Variants in NBPF26 observed in about 807,000 individuals in gnomAD.
The protein encoded by NBPF26 is NBPF member 26.
A neutral mutation model predicts 119.6 loss-of-function variants in NBPF26; 79 were observed. The ratio of observed to expected loss-of-function variants is 0.66; its 90% CI spans 0.55 to 0.80. The LOEUF (loss-of-function observed/expected upper bound fraction) is 0.80. NBPF26 is among the 30% of genes least tolerant of loss of function. NBPF26 has a pLI of 0.00. For synonymous variants in NBPF26, 299 were observed against 457.7 expected, an observed-to-expected ratio of 0.65 and a Z score of 4.43; for missense variants, 800 against 1,198.2, an observed-to-expected ratio of 0.67 and a Z score of 4.91.
Position 120,756,614 on chromosome 1 carries a change from A to G in NBPF26, c.74-7014A>G, listed in dbSNP as rs1282055202. 1.7e-5 allele frequency among the ~76,000 whole-genome samples: 2 copies of G among 118,152 alleles called. 1 individual carries two copies. Among genetic ancestry groups the G allele is most frequent in the Non-Finnish European group, 3.3e-5 (2 of 61,456 alleles). 77.5% of individuals were successfully genotyped at this position (118,152 alleles called of 152,430 possible). A position where few individuals can be genotyped will look rare whatever the true frequency, so the allele number is the denominator to read the frequency against. On this transcript the variant is annotated intron_variant, in intron 1 of 29. Transcript: ENST00000620612. ...TACATGTTAATGCAACAAGTAAAAC[A>G]CATTGAAGGCTTCTCAGATTACACT...
chr1:120,752,553 TA>T (rs1184914915), intron 1 of NBPF26, among the ~76,000 whole-genome samples: 358 of 11,808 alleles, frequency 0.03, 5 homozygotes, highest in African/African-American at 0.051. Flanking sequence ...TATATATATA[TA>T]TTTTTTTTTT....
chr1:120,820,530 G>GA (rs1360181804), intron 15 of NBPF26, among the ~76,000 whole-genome samples: 8 of 7,318 alleles, frequency 1.1e-3, no homozygotes, highest in South Asian at 3.4e-3. Context: ...TATACATATG[G>GA]AAAAAAAAAA....
chr1:120,724,032 G>A lies in NBPF26; in HGVS notation c.-146G>A, dbSNP rs1383484062. On this transcript the variant is annotated 5_prime_UTR_variant, in exon 1 of 30. Coordinates refer to ENST00000620612, the Ensembl canonical transcript of NBPF26. Reference sequence around the variant, plus strand: ...GTCGAGGCATTTGCACCTGGGCTTCGGAGCGTAGCGCCAGGGCCTGAGCCT... The same window carrying A: ...GTCGAGGCATTTGCACCTGGGCTTCAGAGCGTAGCGCCAGGGCCTGAGCCT... The A allele has an allele frequency of 1.2e-5, 15 of 1,248,476 alleles. 3 individuals carry two copies. Among genetic ancestry groups the A allele is most frequent in the Non-Finnish European group, 1.2e-5 (12 of 990,564 alleles). 77.3% of individuals were successfully genotyped at this position (1,248,476 alleles called of 1,614,324 possible). A position where few individuals can be genotyped will look rare whatever the true frequency, so the allele number is the denominator to read the frequency against.
chr1:120,723,961 G>A lies in NBPF26; in HGVS notation c.-217G>A, dbSNP rs1285923839. On this transcript the variant is annotated 5_prime_UTR_variant, in exon 1 of 30. Transcript: ENST00000620612. ...GAAAGTTTCAGCCAAACTTCCGGCG[G>A]CGGCTGAGGCGGCGGCCGAGGAGCG... 2.2e-6 allele frequency: 2 copies of A among 896,718 alleles called. 1 individual carries two copies. The highest frequency in any genetic ancestry group is 2.9e-6 in the Non-Finnish European group (2 of 680,886). 55.5% of individuals were successfully genotyped at this position (896,718 alleles called of 1,614,324 possible).
chr1:120,727,620 A>G, intron 1 of NBPF26, among the ~76,000 whole-genome samples: 1 of 100,890 alleles, frequency 9.9e-6, no homozygotes, highest in Non-Finnish European at 1.8e-5. Context: ...TACGTCTGCA[A>G]TGATTTTAGA....
At position 120,727,892 on chromosome 1, in the gene NBPF26, A is replaced by G. The variant is rs1413090164; in HGVS notation, c.73+3642A>G. On this transcript the variant is annotated intron_variant, in intron 1 of 29. Coordinates refer to ENST00000620612, the Ensembl canonical transcript of NBPF26. ...CTACCATATGTGTAGTATTTTGGACAGATCACTGAACTAGGAGCCAGAAGA... is the reference window on the plus strand; with the variant it reads ...CTACCATATGTGTAGTATTTTGGACGGATCACTGAACTAGGAGCCAGAAGA... Among the ~76,000 whole-genome samples, 3 of 118,120 alleles carry G rather than the reference A, an allele frequency of 2.5e-5. 1 individual carries two copies. Among genetic ancestry groups the G allele is most frequent in the Non-Finnish European group, 4.9e-5 (3 of 60,760 alleles). 77.5% of individuals were successfully genotyped at this position (118,120 alleles called of 152,430 possible).
intron 10 of NBPF26, among the ~76,000 whole-genome samples, chr1:120,813,443 T>A (rs1651926163): frequency 1.6e-5 from 2 of 127,744 alleles, no homozygotes; most frequent in Non-Finnish European, 3.2e-5. Flanking sequence ...ATTTTAAAAA[T>A]CTTTCGCATA....
intron 8 of NBPF26, 92 bp downstream of exon 8, chr1:120,809,975 A>G: frequency 6.8e-7 from 1 of 1,462,926 alleles, no homozygotes; most frequent in Non-Finnish European, 9.3e-7. Flanking sequence ...GTGGGCCAAA[A>G]GCCCACATCC....
intron 2 of NBPF26, among the ~76,000 whole-genome samples, chr1:120,778,476 T>C (rs1350221922): frequency 9.4e-6 from 1 of 105,940 alleles, no homozygotes; most frequent in Non-Finnish European, 1.7e-5. Flanking sequence ...TTCCACATTC[T>C]GTATAGTTTT....
Position 120,815,022 on chromosome 1 carries a change from C to A in NBPF26, c.2071C>A (p.Leu691Ile), listed in dbSNP as rs1651975299. ...TGAGGGGTGTAGACTGGCACAGCAC[C>A]TTGTCCAAAAGCTCAGCCCAGGTAA... The change falls in exon 12 of 30, where the codon CTT becomes ATT. Residue 691 changes from leucine (L) to isoleucine (I), a missense_variant. Leu to Ile is a conservative substitution (Grantham distance 5). Transcript: ENST00000620612. The A allele has an allele frequency of 6.9e-6, 8 of 1,161,406 alleles. 2 individuals carry two copies. The highest frequency in any genetic ancestry group is 1.3e-5 in the South Asian group (1 of 77,290). 71.9% of individuals were successfully genotyped at this position (1,161,406 alleles called of 1,614,324 possible).
chr1:120,813,351 C>T (rs1432752934), intron 10 of NBPF26, among the ~76,000 whole-genome samples: 4 of 127,888 alleles, frequency 3.1e-5, no homozygotes, highest in African/African-American at 7.5e-5. Flanking sequence ...TCCTTCATGG[C>T]CTAATGGTGT....
At chr1:120,840,811 G>A (rs1160484376), downstream of NBPF26, 10 of 568,430 alleles carry the variant, frequency 1.8e-5, 1 homozygote, top group Non-Finnish European at 2.6e-5. Context: ...TAACTGTGCA[G>A]CACATGCCGG....
chr1:120,822,051 C>G, intron 15 of NBPF26, 53 bp from the exon 16 acceptor site: 1 of 1,446,912 alleles, frequency 6.9e-7, no homozygotes, highest in Non-Finnish European at 9.2e-7. Flanking sequence ...GTTTTGTTGT[C>G]TAAAGTCTGT....
chr1:120,815,536 C>A (rs1651989529), intron 12 of NBPF26, among the ~76,000 whole-genome samples: 1 of 100,208 alleles, frequency 1.0e-5, no homozygotes, highest in Non-Finnish European at 1.8e-5. Flanking sequence ...GAGATGAAGT[C>A]CCTCGCCGTG....
intron 2 of NBPF26, among the ~76,000 whole-genome samples, chr1:120,780,376 G>C (rs1381561068): frequency 1.2e-5 from 1 of 82,510 alleles, no homozygotes; most frequent in Non-Finnish European, 2.3e-5. Context: ...CAGGTTTACA[G>C]CAGATTTTTG....
rs1265072999 is a variant in NBPF26, at chr1:120,728,629, G to A, written c.73+4379G>A. Among the ~76,000 whole-genome samples the A allele has an allele frequency of 1.6e-4, 19 of 117,112 alleles. 6 individuals carry two copies. The highest frequency in any genetic ancestry group is 2.0e-4 in the African/African-American group (4 of 20,082). The allele number at this position is 117,112 out of a possible 152,430, so 76.8% of individuals were successfully genotyped here. A position where few individuals can be genotyped will look rare whatever the true frequency, so the allele number is the denominator to read the frequency against. ...AATTTCTGTTATTTTGTCCAGAATA[G>A]CCACACCTTACTGTAATTTCATCAT... On this transcript the variant is annotated intron_variant, in intron 1 of 29. Transcript: ENST00000620612.
In NBPF26 at chr1:120,724,155, A is replaced by C. The variant is rs1377705554; in HGVS notation, c.-23A>C. On this transcript the variant is annotated 5_prime_UTR_variant, in exon 1 of 30. Transcript: ENST00000620612. ...GCGGCGGCGGCGGCGGCGGCGGAGG[A>C]GGAGGAGGAGGCGACCGAGAAGATG... is the stretch of plus-strand genomic sequence containing the variant. The C allele has an allele frequency of 4.6e-4, 605 of 1,314,808 alleles. 109 individuals carry two copies. The highest frequency in any genetic ancestry group is 2.4e-3 in the South Asian group (156 of 66,294). The allele number at this position is 1,314,808 out of a possible 1,614,324, so 81.4% of individuals were successfully genotyped here.
Position 120,840,539 on chromosome 1 carries a change from G to C in NBPF26, c.4293G>C (p.Leu1431Phe). 7 of 1,469,078 alleles carry C rather than the reference G, an allele frequency of 4.8e-6. 1 individual carries two copies. The highest frequency in any genetic ancestry group is 4.6e-6 in the Non-Finnish European group (5 of 1,086,150). 91.0% of individuals were successfully genotyped at this position (1,469,078 alleles called of 1,614,324 possible). ...ACGTGGACAATAGGTTTTTTACTTT[G>C]ACGGTGACAAGTCTCCACCTGGTGT... Residue 1431 changes from leucine (L) to phenylalanine (F), a missense_variant, in exon 30 of 30, where the codon TTG (leucine) becomes TTC (phenylalanine). Physicochemically the swap from Leu to Phe is conservative, Grantham distance 22 (BLOSUM62 0). This residue lies in a region of NBPF26 where 155 missense variants were observed against 95.9 expected (regional missense o/e 1.62). Transcript: ENST00000620612.
In NBPF26 at chr1:120,810,607, G is replaced by A; in HGVS notation, c.1564+49G>A. The A allele has an allele frequency of 2.2e-6, 3 of 1,357,882 alleles. 1 individual carries two copies. The highest frequency in any genetic ancestry group is 2.4e-5 in the South Asian group (2 of 81,870). The allele number at this position is 1,357,882 out of a possible 1,614,324, so 84.1% of individuals were successfully genotyped here. The stretch of plus-strand genomic sequence containing the variant: ...TCATACCTCTGTCTAGGCTATGGAA[G>A]GTCAATTCTGAGGACAGGCTGTATA... On this transcript the variant is annotated intron_variant, in intron 9 of 29. Transcript: ENST00000620612.
Sources: allele counts gnomAD v4.1 joint callset (sites outside exome capture counted in the v4.1 genomes callset), GRCh38; gene constraint gnomAD v4.1.1; regional missense constraint gnomAD v4.1.1; transcripts MANE v1.5; gene names NCBI Gene and HGNC (gene_info 2026-07-23, HGNC 2026-07-21).